Variants in MBNL1 observed in about 807,000 individuals in gnomAD.
MBNL1 encodes the protein muscleblind like splicing regulator 1.
Under a neutral mutation model 42.2 loss-of-function variants are expected in MBNL1, and 8 were observed. The ratio of observed to expected loss-of-function variants is 0.19; its 90% CI spans 0.11 to 0.34. The LOEUF (loss-of-function observed/expected upper bound fraction) is 0.34. MBNL1 is among the 10% of genes least tolerant of loss of function. The probability of loss-of-function intolerance (pLI) is 1.00; values close to 1 mark genes in which losing one functional copy is unlikely to be tolerated. For synonymous variants in MBNL1, 169 were observed against 173.9 expected, an observed-to-expected ratio of 0.97 and a Z score of 0.22; for missense variants, 309 against 495.3, an observed-to-expected ratio of 0.62 and a Z score of 3.57.
chr3:152,409,944 G>T (rs2098526155), intron 2 of MBNL1, among the ~76,000 whole-genome samples: 1 of 152,072 alleles, frequency 6.6e-6, no homozygotes, highest in East Asian at 1.9e-4. Context: ...TAATCGTTTT[G>T]TTTTCAATTA....
At chr3:152,458,457 A>AGAGTAGAGAGACTTAGAGAAG in intron 8 of MBNL1, 1 of 438,396 alleles carries the variant, frequency 2.3e-6, no homozygotes, top group East Asian at 4.4e-5. Flanking sequence ...GAAGAGACTT[A>AGAGTAGAGAGACTTAGAGAAG]AGCATAGAGT....
At chr3:152,255,957 G>A (rs1265621133) in intron 2 of MBNL1, among the ~76,000 whole-genome samples, 3 of 152,140 alleles carry the variant, frequency 2.0e-5, no homozygotes, top group African/African-American at 4.8e-5. Flanking sequence ...AAGGATGGTG[G>A]GAGATGAAGC....
chr3:152,377,004 T>C (rs2037930909), intron 2 of MBNL1, among the ~76,000 whole-genome samples: 2 of 152,186 alleles, frequency 1.3e-5, no homozygotes, highest in African/African-American at 4.8e-5. Flanking sequence ...AGTTTGTGGC[T>C]AGTGATTTAC....
intron 2 of MBNL1, among the ~76,000 whole-genome samples, chr3:152,373,793 G>A (rs765817582): frequency 6.6e-6 from 1 of 152,180 alleles, no homozygotes; most frequent in Non-Finnish European, 1.5e-5. Context: ...ACTTTTAAGT[G>A]ATTAGGTTGT....
At chr3:152,306,656 C>T (rs938721776) in intron 2 of MBNL1, among the ~76,000 whole-genome samples, 1 of 151,890 alleles carries the variant, frequency 6.6e-6, no homozygotes, top group Non-Finnish European at 1.5e-5. Flanking sequence ...AAAACTGTTG[C>T]CTTGATTGAA....
rs73869988 is a variant in MBNL1 at position 152,323,049 on chromosome 3, A to G, written c.174+22682A>G. ...CCAAAAATGGGGTTATACTGGTTTC[A>G]GTTTGCTAACTGCCTAAGTAAACTT... is the stretch of plus-strand genomic sequence containing the variant. On this transcript the variant is annotated intron_variant, in intron 2 of 9. Coordinates refer to ENST00000324210, the MANE Select transcript of MBNL1 (RefSeq NM_021038.5). Among the ~76,000 whole-genome samples, 206 of 152,268 alleles carry G rather than the reference A, an allele frequency of 1.4e-3. 1 individual carries two copies. The highest frequency in any genetic ancestry group is 4.9e-3 in the African/African-American group (203 of 41,584).
At chr3:152,314,636 A>G (rs1164496598) in intron 2 of MBNL1, among the ~76,000 whole-genome samples, 2 of 152,162 alleles carry the variant, frequency 1.3e-5, no homozygotes, top group African/African-American at 2.4e-5. Context: ...CAGCCTCCCA[A>G]AGTGCTGAGA....
intron 2 of MBNL1, 100 bp downstream of exon 2, chr3:152,300,467 A>G (rs2060252693): frequency 2.9e-6 from 3 of 1,045,604 alleles, no homozygotes; most frequent in Non-Finnish European, 4.2e-6. Flanking sequence ...TGCTTTGTTC[A>G]TAGTTTAGTT....
rs368091633 is a variant in MBNL1 at position 152,327,474 on chromosome 3, A to C, written c.174+27107A>C. ...GTGATTCTCCTGCCTCAGCCTCCTA[A>C]GTAGGTGAGATAACAGGCATGGGCC... On this transcript the variant is annotated intron_variant, in intron 2 of 9. Transcript: ENST00000324210. Among the ~76,000 whole-genome samples, 25 of 152,040 alleles carry C rather than the reference A, an allele frequency of 1.6e-4. No individual in the cohort carries two copies. In the East Asian group the frequency reaches 4.1e-3, roughly 25 times the overall value.
chr3:152,293,517 C>G (rs1368563345), intron 1 of MBNL1, among the ~76,000 whole-genome samples: 1 of 152,138 alleles, frequency 6.6e-6, no homozygotes, highest in African/African-American at 2.4e-5. Flanking sequence ...CTTGTTGACA[C>G]CAGTGAGCCA....
rs1400312635 is a variant in MBNL1, at chr3:152,300,093, T to C, written c.-101T>C. ...GGAAAAGTATTTTGAGGGGACATTT[T>C]CATCATCAGTTCAGCTTTTTTTTTT... On this transcript the variant is annotated 5_prime_UTR_variant, in exon 2 of 10. Transcript: ENST00000324210. 2.9e-6 allele frequency: 2 copies of C among 690,692 alleles called. No individual in the cohort carries two copies. The highest frequency in any genetic ancestry group is 4.8e-6 in the Non-Finnish European group (2 of 417,386). 42.8% of individuals were successfully genotyped at this position (690,692 alleles called of 1,614,324 possible).
At chr3:152,367,085 T>G (rs1430044311) in intron 2 of MBNL1, among the ~76,000 whole-genome samples, 1 of 152,162 alleles carries the variant, frequency 6.6e-6, no homozygotes, top group Non-Finnish European at 1.5e-5. Flanking sequence ...ATGTGCAGAA[T>G]GTGCAGGTTT....
chr3:152,338,201 C>T lies in MBNL1; in HGVS notation c.174+37834C>T, dbSNP rs1378942086. 1.1e-5 allele frequency: 11 copies of T among 985,266 alleles called. No homozygotes were observed. In the Admixed American group the frequency reaches 3.1e-4, roughly 28 times the overall value. The allele number at this position is 985,266 out of a possible 1,614,324, so 61.0% of individuals were successfully genotyped here. ...TGGCCTATCTCCATGTATTTTGTTG[C>T]ATTTCTCCATTGCTTCTTGTGTTCT... On this transcript the variant is annotated intron_variant, in intron 2 of 9. Transcript: ENST00000324210.
At chr3:152,419,270 T>G (rs1192131719) in intron 3 of MBNL1, among the ~76,000 whole-genome samples, 1 of 152,146 alleles carries the variant, frequency 6.6e-6, no homozygotes, top group African/African-American at 2.4e-5. Flanking sequence ...ATAAAACTTC[T>G]GGAATTGCCC....
At chr3:152,337,291 TAGAC>T (rs755368423) in intron 2 of MBNL1, among the ~76,000 whole-genome samples, 13 of 152,150 alleles carry the variant, frequency 8.5e-5, no homozygotes, top group African/African-American at 1.2e-4. Flanking sequence ...AGGAAAATCT[TAGAC>T]AGTGATTAGT....
intron 1 of MBNL1, among the ~76,000 whole-genome samples, chr3:152,297,329 A>C: frequency 6.8e-6 from 1 of 146,334 alleles, no homozygotes; most frequent in Middle Eastern, 3.5e-3. Flanking sequence ...ATATTTCTTG[A>C]ACACTGGGGA....
chr3:152,392,567 T>G (rs2097766639), intron 2 of MBNL1, among the ~76,000 whole-genome samples: 1 of 152,242 alleles, frequency 6.6e-6, no homozygotes, highest in African/African-American at 2.4e-5. Context: ...AAACAAAACA[T>G]TCAAAGCCTT....
At chr3:152,262,822 T>TA (rs2149519963) in intron 2 of MBNL1, 1 of 152,376 alleles carries the variant, frequency 6.6e-6, no homozygotes, top group Non-Finnish European at 1.5e-5. Flanking sequence ...TACATGTAAT[T>TA]ACATATTATA....
chr3:152,362,601 G>T (rs2096059539), intron 2 of MBNL1, among the ~76,000 whole-genome samples: 1 of 151,970 alleles, frequency 6.6e-6, no homozygotes, highest in African/African-American at 2.4e-5. Context: ...GTTGTAGAGG[G>T]GTGTCCTGTG....
Sources: allele counts gnomAD v4.1 joint callset (sites outside exome capture counted in the v4.1 genomes callset), GRCh38; gene constraint gnomAD v4.1.1; transcripts MANE v1.5; gene names NCBI Gene and HGNC (gene_info 2026-07-23, HGNC 2026-07-21).